Variants in TAFA5 observed in about 807,000 individuals in gnomAD.
TAFA5 encodes TAFA chemokine like family member 5.
Under a neutral mutation model 15.3 loss-of-function variants are expected in TAFA5, and 6 were observed. The observed-to-expected ratio is 0.39, with a 90% CI of 0.21 to 0.77. The LOEUF (loss-of-function observed/expected upper bound fraction) is 0.77. Among genes scored for constraint, TAFA5 ranks in the 30% least tolerant of loss-of-function variants. The pLI is 0.41. For missense variants in TAFA5, 161 were observed against 193.1 expected (o/e 0.83, Z 0.98); for synonymous variants, 103 against 80.7 (o/e 1.28, Z -1.48).
At chr22:48,632,413 C>T (rs1350303844) in intron 1 of TAFA5, among the ~76,000 whole-genome samples, 2 of 150,966 alleles carry the variant, frequency 1.3e-5, no homozygotes, top group African/African-American at 5.0e-5. Context: ...TTGCTTTGCC[C>T]CGACCCCTTT....
At chr22:48,503,806 G>A (rs953656180) in intron 1 of TAFA5, among the ~76,000 whole-genome samples, 3 of 152,192 alleles carry the variant, frequency 2.0e-5, no homozygotes, top group African/African-American at 7.2e-5. Flanking sequence ...GGTGATGTTA[G>A]ATGACACTCG....
chr22:48,693,808 C>G (rs1210691922), intron 2 of TAFA5, among the ~76,000 whole-genome samples: 1 of 152,208 alleles, frequency 6.6e-6, no homozygotes, highest in African/African-American at 2.4e-5. Context: ...CCTGACCCAG[C>G]TGTGGGGTGT....
chr22:48,729,741 A>T (rs1929816745), intron 3 of TAFA5, among the ~76,000 whole-genome samples: 1 of 147,608 alleles, frequency 6.8e-6, no homozygotes, highest in African/African-American at 2.4e-5. Flanking sequence ...AAACATAAAT[A>T]TAAATTTAAA....
chr22:48,629,059 C>T (rs1926121352), intron 1 of TAFA5, among the ~76,000 whole-genome samples: 1 of 152,160 alleles, frequency 6.6e-6, no homozygotes, highest in African/African-American at 2.4e-5. Flanking sequence ...AAGCCCTGGC[C>T]CCTCCGCAGG....
intron 3 of TAFA5, among the ~76,000 whole-genome samples, chr22:48,712,016 C>T (rs1929270221): frequency 1.3e-5 from 2 of 152,232 alleles, no homozygotes; most frequent in Admixed American, 6.5e-5. Context: ...ATGGATTAAC[C>T]GAGTGTGGAC....
intron 1 of TAFA5, among the ~76,000 whole-genome samples, chr22:48,507,466 T>C (rs4823790): frequency 0.7 from 106,778 of 152,176 alleles, 37,813 homozygotes; most frequent in South Asian, 0.81. Context: ...CCAGACGTGG[T>C]GGCGTCTGCC....
chr22:48,741,603 C>T (rs995320099), intron 3 of TAFA5, among the ~76,000 whole-genome samples: 8 of 152,142 alleles, frequency 5.3e-5, no homozygotes, highest in Admixed American at 3.9e-4. Flanking sequence ...TCCTTGGGGT[C>T]CAGGGTCCTG....
In TAFA5 at chr22:48,732,300, G is replaced by T. The variant is rs1929889829; in HGVS notation, c.391-17539G>T. Among the ~76,000 whole-genome samples, 3 of 152,214 alleles carry T rather than the reference G, an allele frequency of 2.0e-5. No individual in the cohort carries two copies. The South Asian group carries it at 6.2e-4, about 32-fold the overall frequency. ...AGTCTTGCTCTTGTCACCCAGGCTG[G>T]AGTGCAGTGGCGCAATTTCGGCTCA... On this transcript the variant is annotated intron_variant, in intron 3 of 3. Coordinates refer to ENST00000402357, the MANE Select transcript of TAFA5 (RefSeq NM_001082967.3).
At chr22:48,522,818 C>T (rs1381715915) in intron 1 of TAFA5, among the ~76,000 whole-genome samples, 1 of 152,222 alleles carries the variant, frequency 6.6e-6, no homozygotes, top group Non-Finnish European at 1.5e-5. Flanking sequence ...GCTGGCCTGT[C>T]CCTTGGTGAC....
intron 1 of TAFA5, among the ~76,000 whole-genome samples, chr22:48,602,752 G>C (rs992530617): frequency 2.0e-5 from 3 of 152,224 alleles, no homozygotes; most frequent in African/African-American, 7.2e-5. Flanking sequence ...GGACCTGCTG[G>C]TGTCCAGTGA....
intron 1 of TAFA5, among the ~76,000 whole-genome samples, chr22:48,618,461 C>T (rs1390932084): frequency 6.6e-6 from 1 of 152,252 alleles, no homozygotes; most frequent in Non-Finnish European, 1.5e-5. Context: ...TTTACTTGCT[C>T]ATAAAGTTGC....
chr22:48,666,204 A>C (rs1927603751), intron 2 of TAFA5, among the ~76,000 whole-genome samples: 1 of 152,124 alleles, frequency 6.6e-6, no homozygotes, highest in Non-Finnish European at 1.5e-5. Flanking sequence ...GATCGCAGCC[A>C]GGAGTAGTTC....
chr22:48,512,506 G>T (rs1198238098), intron 1 of TAFA5, among the ~76,000 whole-genome samples: 1 of 152,164 alleles, frequency 6.6e-6, no homozygotes, highest in Non-Finnish European at 1.5e-5. Flanking sequence ...TACTCGGGAG[G>T]CTGAGGCAAG....
At chr22:48,733,074 G>C (rs377464244) in intron 3 of TAFA5, among the ~76,000 whole-genome samples, 1 of 152,110 alleles carries the variant, frequency 6.6e-6, no homozygotes, top group East Asian at 1.9e-4. Flanking sequence ...TCTTGATCGT[G>C]ATATTTACTT....
chr22:48,606,051 G>C (rs1925182360), intron 1 of TAFA5, among the ~76,000 whole-genome samples: 1 of 152,210 alleles, frequency 6.6e-6, no homozygotes, highest in Non-Finnish European at 1.5e-5. Flanking sequence ...CACAAGGTCT[G>C]ACCTTGGGAG....
At chr22:48,626,450 T>C (rs571644686) in intron 1 of TAFA5, among the ~76,000 whole-genome samples, 1 of 152,370 alleles carries the variant, frequency 6.6e-6, no homozygotes, top group African/African-American at 2.4e-5. Flanking sequence ...GCAGATGATG[T>C]TGAGCAACTT....
chr22:48,557,133 A>T (rs1052748008), intron 1 of TAFA5, among the ~76,000 whole-genome samples: 2 of 152,172 alleles, frequency 1.3e-5, no homozygotes, highest in African/African-American at 4.8e-5. Flanking sequence ...TAGCGTCTGA[A>T]TTGTGTCTCC....
At chr22:48,504,337 G>A (rs1012901096) in intron 1 of TAFA5, among the ~76,000 whole-genome samples, 6 of 152,204 alleles carry the variant, frequency 3.9e-5, no homozygotes, top group Admixed American at 6.5e-5. Context: ...TAATCCAGCC[G>A]TGCTTAGGGA....
At chr22:48,669,680 T>A (rs1927738549) in intron 2 of TAFA5, among the ~76,000 whole-genome samples, 1 of 152,192 alleles carries the variant, frequency 6.6e-6, no homozygotes, top group South Asian at 2.1e-4. Context: ...GGGTCTTAAA[T>A]GACCGAGTCA....
Sources: allele counts gnomAD v4.1 joint callset (sites outside exome capture counted in the v4.1 genomes callset), GRCh38; gene constraint gnomAD v4.1.1; transcripts MANE v1.5; gene names NCBI Gene and HGNC (gene_info 2026-07-23, HGNC 2026-07-21).